CYP2C19: variants seen among roughly 807,000 people sequenced by gnomAD.
CYP2C19 encodes cytochrome P450 2C19.
CYP2C19 carries 59 observed loss-of-function variants against 40.9 expected under a neutral mutation model. The observed-to-expected ratio is 1.44, with a 90% CI of 1.17 to 1.79. CYP2C19 has a LOEUF of 1.79. Ranked by LOEUF, CYP2C19 falls within the 40% of genes most tolerant of loss-of-function variation. CYP2C19 has a pLI of 0.00. For synonymous variants in CYP2C19, 253 were observed against 208.7 expected, an observed-to-expected ratio of 1.21 and a Z score of -1.83; for missense variants, 754 against 596.9, an observed-to-expected ratio of 1.26 and a Z score of -2.74.
chr10:94,774,972 T>C (rs1848386213), intron 1 of CYP2C19, 86 bp from the exon 2 acceptor site: 4 of 1,402,366 alleles, frequency 2.9e-6, no homozygotes, highest in Non-Finnish European at 3.9e-6. Flanking sequence ...AGCATACAAA[T>C]ACAATGAAAA....
intron 1 of CYP2C19, 61 bp from the exon 2 acceptor site, chr10:94,774,997 A>G (rs1848386529): frequency 6.5e-7 from 1 of 1,548,262 alleles, no homozygotes; most frequent in Non-Finnish European, 8.9e-7. Context: ...AATCTAAGTC[A>G]GGCTTAGTAA....
intron 5 of CYP2C19, among the ~76,000 whole-genome samples, chr10:94,807,197 T>C (rs1196657984): frequency 6.6e-6 from 1 of 152,172 alleles, no homozygotes; most frequent in Admixed American, 6.5e-5. Flanking sequence ...ATCTCAACCA[T>C]GTTGTTGTGA....
At chr10:94,841,020 T>A (rs1255685496) in intron 6 of CYP2C19, among the ~76,000 whole-genome samples, 1 of 152,114 alleles carries the variant, frequency 6.6e-6, no homozygotes, top group Non-Finnish European at 1.5e-5. Context: ...ACCAAGGGGG[T>A]CCTTGCTCAC....
chr10:94,822,935 G>C (rs1274349260), intron 6 of CYP2C19, among the ~76,000 whole-genome samples: 1 of 150,010 alleles, frequency 6.7e-6, no homozygotes, highest in African/African-American at 2.5e-5. Flanking sequence ...TTTGTTTTTT[G>C]CTTGTTAATT....
intron 7 of CYP2C19, among the ~76,000 whole-genome samples, chr10:94,847,763 C>T (rs1372034137): frequency 3.3e-5 from 5 of 152,044 alleles, no homozygotes; most frequent in African/African-American, 4.8e-5. Context: ...TTTTAATGAT[C>T]GCCATTCTAA....
chr10:94,843,102 A>C, intron 7 of CYP2C19, 78 bp downstream of exon 7: 2 of 1,543,900 alleles, frequency 1.3e-6, no homozygotes, highest in Non-Finnish European at 9.0e-7. Flanking sequence ...ACCCTCTACC[A>C]TCACTGGGTG....
At chr10:94,831,426 G>A (rs956310294) in intron 6 of CYP2C19, among the ~76,000 whole-genome samples, 4 of 152,106 alleles carry the variant, frequency 2.6e-5, no homozygotes, top group Admixed American at 2.0e-4. Context: ...TTTATTTTTA[G>A]TTTTTTAAAA....
intron 7 of CYP2C19, among the ~76,000 whole-genome samples, chr10:94,844,205 GAAAT>G (rs1183997181): frequency 6.6e-6 from 1 of 152,086 alleles, no homozygotes; most frequent in Non-Finnish European, 1.5e-5. Flanking sequence ...TTGTATCTTT[GAAAT>G]GCCTAATAAC....
At chr10:94,836,219 A>G (rs1849401201) in intron 6 of CYP2C19, among the ~76,000 whole-genome samples, 1 of 152,192 alleles carries the variant, frequency 6.6e-6, no homozygotes, top group South Asian at 2.1e-4. Context: ...CCCACACAGT[A>G]AGATCTCTTC....
At chr10:94,846,604 G>A (rs1849575704) in intron 7 of CYP2C19, among the ~76,000 whole-genome samples, 1 of 152,012 alleles carries the variant, frequency 6.6e-6, no homozygotes, top group African/African-American at 2.4e-5. Context: ...ATCTTGACCT[G>A]AATGGTTACA....
chr10:94,802,718 G>C (rs970219293), intron 5 of CYP2C19, among the ~76,000 whole-genome samples: 1 of 152,050 alleles, frequency 6.6e-6, no homozygotes, highest in Admixed American at 6.6e-5. Context: ...GCAGTGGCTG[G>C]TACCAATTTT....
chr10:94,815,878 A>G (rs950071495), intron 5 of CYP2C19, among the ~76,000 whole-genome samples: 2 of 152,154 alleles, frequency 1.3e-5, no homozygotes, highest in African/African-American at 4.8e-5. Context: ...GAGTCCATGT[A>G]CCTTTCTGAC....
chr10:94,846,134 C>T (rs1317107095), intron 7 of CYP2C19, among the ~76,000 whole-genome samples: 1 of 152,088 alleles, frequency 6.6e-6, no homozygotes, highest in Non-Finnish European at 1.5e-5. Flanking sequence ...AATTCACTCT[C>T]CAGTCAAGAA....
At chr10:94,768,738 T>C (rs1468620049) in intron 1 of CYP2C19, among the ~76,000 whole-genome samples, 1 of 152,134 alleles carries the variant, frequency 6.6e-6, no homozygotes, top group Non-Finnish European at 1.5e-5. Flanking sequence ...CTTACTTAGG[T>C]ATACCACTGG....
intron 1 of CYP2C19, among the ~76,000 whole-genome samples, chr10:94,769,385 G>A (rs1268156081): frequency 1.3e-5 from 2 of 152,174 alleles, no homozygotes; most frequent in Admixed American, 6.5e-5. Context: ...GTTGGGACGT[G>A]TGGTCTGAGG....
At chr10:94,802,492 G>T (rs947760559) in intron 5 of CYP2C19, among the ~76,000 whole-genome samples, 1 of 152,016 alleles carries the variant, frequency 6.6e-6, no homozygotes, top group Non-Finnish European at 1.5e-5. Context: ...CATGTGAGAT[G>T]GGTCTCCTGA....
At position 94,850,857 on chromosome 10, in the gene CYP2C19, C is replaced by T. The variant is rs1396496817; in HGVS notation, c.1291+799C>T. On this transcript the variant is annotated intron_variant, in intron 8 of 8. Transcript: ENST00000371321. ...TGTAGCAGGATACTCTGCAGTGATG[C>T]AGAGCACCATGCTCTTTCCCTAGTC... Among the ~76,000 whole-genome samples the T allele has an allele frequency of 2.6e-5, 4 of 152,282 alleles. No individual in the cohort carries two copies. In the East Asian group the frequency reaches 7.7e-4, roughly 29 times the overall value.
chr10:94,823,867 C>T (rs187118615), intron 6 of CYP2C19, among the ~76,000 whole-genome samples: 2 of 152,092 alleles, frequency 1.3e-5, no homozygotes, highest in African/African-American at 2.4e-5. Context: ...GCAATCAGAC[C>T]TCATATAGGA....
chr10:94,786,078 A>T (rs1848536158), intron 5 of CYP2C19, among the ~76,000 whole-genome samples: 1 of 151,652 alleles, frequency 6.6e-6, no homozygotes, highest in South Asian at 2.1e-4. Flanking sequence ...TCTCTCTCTC[A>T]CAAGAAGCTG....
Sources: gnomAD v4.1 joint callset for allele counts (sites outside exome capture counted in the v4.1 genomes callset) on GRCh38, gnomAD v4.1.1 for gene constraint, MANE v1.5 for transcripts, NCBI Gene and HGNC (gene_info 2026-07-23, HGNC 2026-07-21) for gene names.